Variants in SBF2 observed in about 807,000 individuals in gnomAD.
SBF2 encodes SET binding factor 2.
A neutral mutation model predicts 225.2 loss-of-function variants in SBF2; 112 were observed. The observed-to-expected ratio is 0.50, with a 90% confidence interval of 0.43 to 0.58. SBF2 has a LOEUF of 0.58. SBF2 is among the 20% of genes least tolerant of loss of function. The probability of loss-of-function intolerance (pLI) is 0.00; values close to 1 mark genes in which losing one functional copy is unlikely to be tolerated. For synonymous variants in SBF2, 763 were observed against 773.3 expected, an observed-to-expected ratio of 0.99 and a Z score of 0.22; for missense variants, 1,996 against 2,206.2, an observed-to-expected ratio of 0.90 and a Z score of 1.91.
chr11:10,226,428 C>A (rs1182955925), intron 1 of SBF2, among the ~76,000 whole-genome samples: 1 of 151,772 alleles, frequency 6.6e-6, no homozygotes, highest in Non-Finnish European at 1.5e-5. Flanking sequence ...GTGCTGCACC[C>A]ATCAACTCGT....
At chr11:9,988,718 T>G (rs1206247603) in intron 13 of SBF2, among the ~76,000 whole-genome samples, 1 of 152,146 alleles carries the variant, frequency 6.6e-6, no homozygotes, top group East Asian at 1.9e-4. Context: ...ATCTTACTTC[T>G]GCAAGAATGG....
chr11:9,946,349 G>A (rs1317192496), intron 16 of SBF2, among the ~76,000 whole-genome samples: 4 of 151,980 alleles, frequency 2.6e-5, no homozygotes, highest in Non-Finnish European at 5.9e-5. Context: ...CACATAACAA[G>A]TCTGCACATG....
At chr11:9,874,169 G>C (rs1451746985) in intron 17 of SBF2, among the ~76,000 whole-genome samples, 1 of 151,962 alleles carries the variant, frequency 6.6e-6, no homozygotes. Context: ...ATGACAAAGA[G>C]AATCTAGAAA....
At chr11:10,048,204 T>G (rs1949938394) in intron 2 of SBF2, among the ~76,000 whole-genome samples, 1 of 152,264 alleles carries the variant, frequency 6.6e-6, no homozygotes, top group East Asian at 1.9e-4. Flanking sequence ...GCCCTTGATA[T>G]CCACATATTT....
At chr11:9,897,545 T>C (rs965393135) in intron 16 of SBF2, among the ~76,000 whole-genome samples, 1 of 152,172 alleles carries the variant, frequency 6.6e-6, no homozygotes, top group Non-Finnish European at 1.5e-5. Context: ...TATTAACCAG[T>C]CCTTCCTCTG....
chr11:10,222,497 T>C (rs1958375404), intron 1 of SBF2, among the ~76,000 whole-genome samples: 2 of 152,102 alleles, frequency 1.3e-5, no homozygotes, highest in Admixed American at 1.3e-4. Flanking sequence ...ATAAAAACAT[T>C]CACTGATGGC....
chr11:9,794,196 C>CA (rs1377218862), intron 33 of SBF2, among the ~76,000 whole-genome samples: 1 of 151,746 alleles, frequency 6.6e-6, no homozygotes, highest in Non-Finnish European at 1.5e-5. Flanking sequence ...CAAAACAAAA[C>CA]AAAACAAAAT....
chr11:9,789,026 C>T lies in SBF2; in HGVS notation c.4932+83G>A, dbSNP rs1852566053. On this transcript the variant is annotated intron_variant, in intron 35 of 39. Coordinates refer to ENST00000256190, the MANE Select transcript of SBF2 (RefSeq NM_030962.4). ...AGCTCAGAGTAAGGAGAGCCATGTT[C>T]AGAAGTTACTTAGCCTGGTTCCTTT... 4 of 1,161,694 alleles carry T rather than the reference C, an allele frequency of 3.4e-6. No homozygotes were observed. In the Admixed American group the frequency reaches 5.2e-5, roughly 15 times the overall value. 72.0% of individuals were successfully genotyped at this position (1,161,694 alleles called of 1,614,324 possible). A position where few individuals can be genotyped will look rare whatever the true frequency, so the allele number is the denominator to read the frequency against.
rs1867112361 is a variant in SBF2, at chr11:9,968,494, C to G, written c.1447G>C (p.Gly483Arg). 1 of 1,614,080 alleles carries G rather than the reference C, an allele frequency of 6.2e-7. No individual in the cohort carries two copies. Among genetic ancestry groups the G allele is most frequent in the Non-Finnish European group, 8.5e-7 (1 of 1,180,004 alleles). The change falls in exon 14 of 40, where the codon GGA (glycine) becomes CGA (arginine). Residue 483 changes from glycine to arginine, a missense_variant. Transcript: ENST00000256190. ...AFQKVPRPTE[G>R]SHLRVHILPF... is the part of the protein sequence containing the mutation. The stretch of plus-strand genomic sequence containing the variant: ...AGAATATGAACTCGCAAATGGGATC[C>G]TTCTGTTGGCCGTGGAACTTTCTGG...
At chr11:9,899,972 TGGG>T (rs1196992043) in intron 16 of SBF2, among the ~76,000 whole-genome samples, 1 of 151,220 alleles carries the variant, frequency 6.6e-6, no homozygotes, top group Non-Finnish European at 1.5e-5. Context: ...AGCTGTTACT[TGGG>T]GGGAATTGGG....
chr11:9,945,801 C>T (rs1865527874), intron 16 of SBF2, among the ~76,000 whole-genome samples: 1 of 152,004 alleles, frequency 6.6e-6, no homozygotes, highest in African/African-American at 2.4e-5. Context: ...CAAAAGAAGA[C>T]ATATACATGG....
chr11:10,060,474 C>T (rs2134751754), intron 2 of SBF2, among the ~76,000 whole-genome samples: 1 of 152,236 alleles, frequency 6.6e-6, no homozygotes, highest in Non-Finnish European at 1.5e-5. Context: ...TAGTAATATT[C>T]CTATAGAAAC....
rs1262442685 is a variant in SBF2, at chr11:10,039,704, C to G, written c.279+3140G>C. ...TTAGCTTCTAATATTATTCCCTATTCAAAGGAGTCAGACTCCTTGAAGAAA... is the reference window on the plus strand; with the variant it reads ...TTAGCTTCTAATATTATTCCCTATTGAAAGGAGTCAGACTCCTTGAAGAAA... On this transcript the variant is annotated intron_variant, in intron 3 of 39. Transcript: ENST00000256190. Among the ~76,000 whole-genome samples, 5 of 151,790 alleles carry G rather than the reference C, an allele frequency of 3.3e-5. No homozygotes were observed. The East Asian group carries it at 7.7e-4, about 23-fold the overall frequency.
At chr11:10,182,116 ACT>A (rs1474788006) in intron 2 of SBF2, among the ~76,000 whole-genome samples, 1 of 152,192 alleles carries the variant, frequency 6.6e-6, no homozygotes, top group African/African-American at 2.4e-5. Flanking sequence ...GTAACTGGAA[ACT>A]CTCAAAGAAT....
At chr11:9,928,533 G>A (rs1026639268) in intron 16 of SBF2, among the ~76,000 whole-genome samples, 2 of 152,140 alleles carry the variant, frequency 1.3e-5, no homozygotes, top group Non-Finnish European at 2.9e-5. Context: ...TTGAAACACA[G>A]CTTGGACATT....
In SBF2 at chr11:9,900,044, T is replaced by TAAAAA. The variant is rs1347991488; in HGVS notation, c.1861-4038_1861-4034dup. Among the ~76,000 whole-genome samples, 361 of 140,436 alleles carry TAAAAA rather than the reference T, an allele frequency of 2.6e-3. 4 individuals are homozygous for TAAAAA. The highest frequency in any genetic ancestry group is 7.3e-3 in the Middle Eastern group (2 of 274). The allele number at this position is 140,436 out of a possible 152,430, so 92.1% of individuals were successfully genotyped here. Reference sequence around the variant, plus strand: ...TCCTTTTCTTCTTTTTTTTTTTTTTTAAAAAAAAAAAACAGGATTTGGCAG... The same window carrying TAAAAA: ...TCCTTTTCTTCTTTTTTTTTTTTTTTAAAAAAAAAAAAAAAAACAGGATTTGGCAG... On this transcript the variant is annotated intron_variant, in intron 16 of 39. Transcript: ENST00000256190.
chr11:10,028,542 C>A lies in SBF2; in HGVS notation c.529G>T (p.Gly177Cys), dbSNP rs750578629. The A allele has an allele frequency of 1.1e-5, 18 of 1,610,814 alleles. No homozygotes were observed. The South Asian group carries it at 2.0e-4, about 18-fold the overall frequency. Residue 177 changes from glycine to cysteine, a missense_variant, in exon 6 of 40, where the codon GGT becomes TGT. By Grantham distance (159) the Gly-to-Cys change is radical. Transcript: ENST00000256190. The stretch of plus-strand genomic sequence containing the variant: ...TGGATCAACTGTCTATCTCCTGCAC[C>A]CAAAGAAAACAGCTTCTGCAGAATG... ...AGGSQKLFSL[G>C]AGDRQLIQTP... is the part of the protein sequence containing the mutation.
chr11:9,969,095 T>C (rs1867156609), intron 13 of SBF2, among the ~76,000 whole-genome samples: 1 of 152,208 alleles, frequency 6.6e-6, no homozygotes, highest in Non-Finnish European at 1.5e-5. Context: ...CCTGCTTTCT[T>C]CAGTCTTCCT....
At chr11:9,876,270 C>G (rs1394886983) in intron 17 of SBF2, among the ~76,000 whole-genome samples, 1 of 152,160 alleles carries the variant, frequency 6.6e-6, no homozygotes, top group Non-Finnish European at 1.5e-5. Context: ...TGGTTAAAAT[C>G]CATTCTCCAA....
Sources: allele counts gnomAD v4.1 joint callset (sites outside exome capture counted in the v4.1 genomes callset), GRCh38; gene constraint gnomAD v4.1.1; transcripts MANE v1.5; gene names NCBI Gene and HGNC (gene_info 2026-07-23, HGNC 2026-07-21).